Variants in IFFO1 observed in about 807,000 individuals in gnomAD.
The protein encoded by IFFO1 is intermediate filament family orphan 1, also known as non-homologous end joining factor IFFO1.
A neutral mutation model predicts 59.6 loss-of-function variants in IFFO1; 42 were observed. The observed-to-expected ratio is 0.70, with a 90% CI of 0.55 to 0.91. IFFO1 has a LOEUF of 0.91. IFFO1 is among the 40% of genes least tolerant of loss of function. The pLI is 0.00. For missense variants in IFFO1, 711 were observed against 793.2 expected, an observed-to-expected ratio of 0.90 and a Z score of 1.24; for synonymous variants, 336 against 342.8, an observed-to-expected ratio of 0.98 and a Z score of 0.22.
rs1946725251 is a variant in IFFO1, at chr12:6,541,729, G to A, written c.1480-87C>T. The A allele has an allele frequency of 1.3e-6, 2 of 1,559,266 alleles. No individual in the cohort carries two copies. The highest frequency in any genetic ancestry group is 3.4e-5 in the Admixed American group (2 of 58,010). Reference sequence around the variant, plus strand: ...CCCCGCCAGGAGGCCAACACGCCAAGAGCAGTGGCTGGGCCGGGGGCCCAG... The same window carrying A: ...CCCCGCCAGGAGGCCAACACGCCAAAAGCAGTGGCTGGGCCGGGGGCCCAG... On this transcript the variant is annotated intron_variant, in intron 8 of 9. Coordinates refer to ENST00000619571, the MANE Select transcript of IFFO1 (RefSeq NM_001193457.2). The surrounding 1 kb of genome is among the most constrained non-coding windows in gnomAD (Gnocchi z 4.8).
chr12:6,541,752 CA>C lies in IFFO1; in HGVS notation c.1480-111del. The C allele has an allele frequency of 7.3e-7, 1 of 1,377,394 alleles. No individual in the cohort carries two copies. The highest frequency in any genetic ancestry group is 1.0e-6 in the Non-Finnish European group (1 of 994,582). 85.3% of individuals were successfully genotyped at this position (1,377,394 alleles called of 1,614,324 possible). On this transcript the variant is annotated intron_variant, in intron 8 of 9. Transcript: ENST00000619571. This position sits in a 1 kb window ranked among gnomAD's most constrained non-coding sequence, Gnocchi z 4.8. ...AAGAGCAGTGGCTGGGCCGGGGGCC[CA>C]GGCAGCCATTACTGAAGGCTCAGAT... is the stretch of plus-strand genomic sequence containing the variant.
chr12:6,553,491 C>T (rs547713711), intron 1 of IFFO1, among the ~76,000 whole-genome samples: 1 of 152,154 alleles, frequency 6.6e-6, no homozygotes, highest in South Asian at 2.1e-4. Context: ...CTGAAACTCC[C>T]AAGGACACAT....
intron 1 of IFFO1, among the ~76,000 whole-genome samples, chr12:6,554,091 A>G (rs545204905): frequency 3.9e-4 from 60 of 152,084 alleles, no homozygotes; most frequent in African/African-American, 1.4e-3. Context: ...TGGGAAAAAA[A>G]AAAAAAGAAA....
Position 6,549,212 on chromosome 12 carries a change from C to T in IFFO1, c.1080+264G>A, listed in dbSNP as rs553226716. On this transcript the variant is annotated intron_variant, in intron 5 of 9. Coordinates refer to ENST00000619571, the MANE Select transcript of IFFO1 (RefSeq NM_001193457.2). This position sits in a 1 kb window ranked among gnomAD's most constrained non-coding sequence, Gnocchi z 5.0. ...AACTAAAAAAAAAAAAGCTTTAGGA[C>T]GCAAGGAGGATGAGTGTGCAATGTG... 58 of 530,614 alleles carry T rather than the reference C, an allele frequency of 1.1e-4. 1 individual carries two copies. The Admixed American group carries it at 1.7e-3, about 15-fold the overall frequency. The allele number at this position is 530,614 out of a possible 1,614,324, so 32.9% of individuals were successfully genotyped here.
chr12:6,543,798 T>G (rs1314846279), intron 8 of IFFO1: 1 of 152,040 alleles, frequency 6.6e-6, no homozygotes, highest in East Asian at 1.9e-4. Flanking sequence ...AAACCCCATC[T>G]CTACTAAAAA....
chr12:6,545,531 TA>T (rs1224713123), intron 8 of IFFO1, among the ~76,000 whole-genome samples: 2 of 151,440 alleles, frequency 1.3e-5, no homozygotes, highest in Non-Finnish European at 2.9e-5. Flanking sequence ...CCATCTCTAC[TA>T]AAAAATACAA....
Position 6,549,390 on chromosome 12 carries a change from G to T in IFFO1, c.1080+86C>A. On this transcript the variant is annotated intron_variant, in intron 5 of 9. Coordinates refer to ENST00000619571, the MANE Select transcript of IFFO1 (RefSeq NM_001193457.2). This position sits in a 1 kb window ranked among gnomAD's most constrained non-coding sequence, Gnocchi z 5.0. ...AAAAAAATCCGTGCTCAAGAGCCCA[G>T]CGGGCCCAAACTGAGGGCCAGGAGG... The T allele has an allele frequency of 7.0e-7, 1 of 1,433,092 alleles. No individual in the cohort carries two copies. The highest frequency in any genetic ancestry group is 1.4e-5 in the African/African-American group (1 of 70,702). 88.8% of individuals were successfully genotyped at this position (1,433,092 alleles called of 1,614,324 possible). A position where few individuals can be genotyped will look rare whatever the true frequency, so the allele number is the denominator to read the frequency against.
In IFFO1 at chr12:6,540,449, GC is replaced by G. The variant is rs754170756; in HGVS notation, c.*33del. ...CCTCTGCCTCGCTGAGCTCCCTGCTGCGAGGGCCTCGGGTGCAAGGGGGAGG... is the reference window on the plus strand; with the variant it reads ...CCTCTGCCTCGCTGAGCTCCCTGCTGGAGGGCCTCGGGTGCAAGGGGGAGG... On this transcript the variant is annotated 3_prime_UTR_variant, in exon 10 of 10. Coordinates refer to ENST00000619571, the MANE Select transcript of IFFO1 (RefSeq NM_001193457.2). 8 of 1,545,312 alleles carry G rather than the reference GC, an allele frequency of 5.2e-6. No homozygotes were observed. In the South Asian group the frequency reaches 8.9e-5, roughly 17 times the overall value.
intron 8 of IFFO1, chr12:6,544,691 CA>C (rs2136104681): frequency 6.6e-6 from 1 of 152,316 alleles, no homozygotes; most frequent in Admixed American, 6.5e-5. Context: ...AGAATCAGGT[CA>C]GGCAGGAGGA....
At position 6,540,326 on chromosome 12, in the gene IFFO1, C is replaced by G; in HGVS notation, c.*157G>C. On this transcript the variant is annotated 3_prime_UTR_variant, in exon 10 of 10. Transcript: ENST00000619571. ...AGACACCCCAGAGCCCTGGAGAAGC[C>G]AAGACTGAGGGAGAAAGCCTGAGGG... 1.5e-6 allele frequency: 1 copy of G among 673,386 alleles called. No individual in the cohort carries two copies. The highest frequency in any genetic ancestry group is 2.7e-6 in the Non-Finnish European group (1 of 377,036). The allele number at this position is 673,386 out of a possible 1,614,324, so 41.7% of individuals were successfully genotyped here.
chr12:6,550,637 A>T, intron 3 of IFFO1, 58 bp downstream of exon 3: 1 of 1,350,356 alleles, frequency 7.4e-7, no homozygotes, highest in Non-Finnish European at 1.1e-6. Context: ...AGAAGGGCCT[A>T]CTCTTCTGGC....
At position 6,555,567 on chromosome 12, in the gene IFFO1, C is replaced by T; in HGVS notation, c.463G>A (p.Val155Met). The change falls in exon 1 of 10, where the codon GTG (valine) becomes ATG (methionine). Residue 155 changes from valine (V) to methionine (M), a missense_variant. Val to Met is a conservative substitution (Grantham distance 21). Around this residue, in one of 3 missense-constraint regions of IFFO1, gnomAD observed 579 missense variants for 650.3 expected, o/e 0.89. Coordinates refer to ENST00000619571, the MANE Select transcript of IFFO1 (RefSeq NM_001193457.2). The surrounding 1 kb of genome is among the most constrained non-coding windows in gnomAD (Gnocchi z 8.6). ...PAAVCSPSAR[V>M]LGSPARSPAG... Reference sequence around the variant, plus strand: ...GGGGAGCGCGCGGGCGAGCCCAGCACGCGCGCCGAAGGGCTGCAGACAGCG... The same window carrying T: ...GGGGAGCGCGCGGGCGAGCCCAGCATGCGCGCCGAAGGGCTGCAGACAGCG... The T allele has an allele frequency of 1.4e-6, 2 of 1,466,910 alleles. No individual in the cohort carries two copies. Among genetic ancestry groups the T allele is most frequent in the Non-Finnish European group, 1.8e-6 (2 of 1,116,924 alleles). The allele number at this position is 1,466,910 out of a possible 1,614,324, so 90.9% of individuals were successfully genotyped here.
rs151274942 is a variant in IFFO1, at chr12:6,545,769, C to G, written c.1479+2296G>C. On this transcript the variant is annotated intron_variant, in intron 8 of 9. Coordinates refer to ENST00000619571, the MANE Select transcript of IFFO1 (RefSeq NM_001193457.2). ...CCTCCCTCTGTCCCAAGGATCCACA[C>G]TGTCTATACTGCCTGCCCATTAGTT... Among the ~76,000 whole-genome samples the G allele has an allele frequency of 4.8e-3, 732 of 152,062 alleles. 10 individuals carry two copies. Among genetic ancestry groups the G allele is most frequent in the African/African-American group, 0.016 (680 of 41,468 alleles).
In IFFO1 at chr12:6,555,068, C is replaced by G. The variant is rs1947373795; in HGVS notation, c.773+189G>C. 2.0e-5 allele frequency among the ~76,000 whole-genome samples: 3 copies of G among 152,262 alleles called. 1 individual carries two copies. In the South Asian group the frequency reaches 6.2e-4, roughly 31 times the overall value. The stretch of plus-strand genomic sequence containing the variant: ...GCTCCCAGCGTCCTTCTTCCTGTCA[C>G]GAGCAGGGCTTCTGCATTCTCTGCG... On this transcript the variant is annotated intron_variant, in intron 1 of 9. Coordinates refer to ENST00000619571, the MANE Select transcript of IFFO1 (RefSeq NM_001193457.2). The surrounding 1 kb of genome is among the most constrained non-coding windows in gnomAD (Gnocchi z 8.6).
chr12:6,551,392 T>G (rs985772298), intron 1 of IFFO1: 1 of 1,305,466 alleles, frequency 7.7e-7, no homozygotes, highest in African/African-American at 1.5e-5. Flanking sequence ...CGGCCCAGTC[T>G]CCCACCTTCA....
chr12:6,555,776 C>G lies in IFFO1; in HGVS notation c.254G>C (p.Arg85Pro). The change falls in exon 1 of 10, where the codon CGC becomes CCC. Residue 85 changes from arginine to proline, a missense_variant. This residue lies in a region of IFFO1 where 18 missense variants were observed against 40.5 expected (regional missense o/e 0.44). Coordinates refer to ENST00000619571, the MANE Select transcript of IFFO1 (RefSeq NM_001193457.2). The surrounding 1 kb of genome is among the most constrained non-coding windows in gnomAD (Gnocchi z 8.6). ...NVLKTLNLRF[R>P]CFLAKVHELE... Reference sequence around the variant, plus strand: ...CTCATGCACCTTGGCCAGGAAGCAGCGGAACCGGAGGTTCAGGGTCTTGAG... The same window carrying G: ...CTCATGCACCTTGGCCAGGAAGCAGGGGAACCGGAGGTTCAGGGTCTTGAG... 6.2e-7 allele frequency: 1 copy of G among 1,613,182 alleles called. No homozygotes were observed. Among genetic ancestry groups the G allele is most frequent in the Non-Finnish European group, 8.5e-7 (1 of 1,179,474 alleles).
At chr12:6,539,032 A>G (rs9634157), downstream of IFFO1, 47,185 of 152,104 alleles carry the variant, frequency 0.31, 8,556 homozygotes, top group East Asian at 0.49. Flanking sequence ...CCTTAGGGGA[A>G]CTTGGGTAGG....
At position 6,549,164 on chromosome 12, in the gene IFFO1, A is replaced by G; in HGVS notation, c.1080+312T>C. ...TCAAGAGGAAATTTTTTTCTAAAAAAAGTCTTTTTGATTAAATGACTCAAC... is the reference window on the plus strand; with the variant it reads ...TCAAGAGGAAATTTTTTTCTAAAAAGAGTCTTTTTGATTAAATGACTCAAC... On this transcript the variant is annotated intron_variant, in intron 5 of 9. Coordinates refer to ENST00000619571, the MANE Select transcript of IFFO1 (RefSeq NM_001193457.2). The surrounding 1 kb of genome is among the most constrained non-coding windows in gnomAD (Gnocchi z 5.0). 7.8e-6 allele frequency: 4 copies of G among 512,512 alleles called. No homozygotes were observed. The South Asian group carries it at 1.2e-4, about 15-fold the overall frequency. 31.7% of individuals were successfully genotyped at this position (512,512 alleles called of 1,614,324 possible).
intron 8 of IFFO1, among the ~76,000 whole-genome samples, chr12:6,546,416 G>A (rs559028927): frequency 9.9e-5 from 15 of 152,230 alleles, no homozygotes; most frequent in Admixed American, 7.2e-4. Context: ...GAGAGCTCAC[G>A]GGGGTCCCGT....
Sources: allele counts gnomAD v4.1 joint callset (sites outside exome capture counted in the v4.1 genomes callset), GRCh38; gene constraint gnomAD v4.1.1; regional missense constraint gnomAD v4.1.1; non-coding constraint Gnocchi (gnomAD v3.1); transcripts MANE v1.5; gene names NCBI Gene and HGNC (gene_info 2026-07-23, HGNC 2026-07-21).